Variants in USP24 observed in about 807,000 individuals in gnomAD.
USP24 encodes the protein ubiquitin specific peptidase 24, also known as ubiquitin carboxyl-terminal hydrolase 24.
In USP24, 97 loss-of-function variants were observed where a neutral mutation model predicts 361.6. That is an observed-to-expected ratio of 0.27 (90% CI 0.23 to 0.32). USP24 has a LOEUF of 0.32. Ranked by LOEUF, USP24 falls within the 10% of genes least tolerant of loss-of-function variation. USP24 has a pLI of 1.00. For synonymous variants in USP24, 1,098 were observed against 1,124.6 expected (o/e 0.98, Z 0.47); for missense variants, 2,353 against 3,165.6 (o/e 0.74, Z 6.16).
Position 55,165,557 on chromosome 1 carries a change from A to G in USP24, c.927+328T>C, listed in dbSNP as rs1648745788. Among the ~76,000 whole-genome samples the G allele has an allele frequency of 6.6e-5, 10 of 152,238 alleles. No individual in the cohort carries two copies. The South Asian group carries it at 2.1e-3, about 32-fold the overall frequency. On this transcript the variant is annotated intron_variant, in intron 7 of 67. Transcript: ENST00000294383. ...AATTCTGATTTTATATAATCGTTTA[A>G]CTGAGCCATAAAATTGTTATGCATA...
intron 1 of USP24, among the ~76,000 whole-genome samples, chr1:55,188,917 G>A (rs1394419455): frequency 2.2e-5 from 3 of 135,534 alleles, no homozygotes; most frequent in East Asian, 2.2e-4. Context: ...CAGAGATCGC[G>A]CCACCCATTG....
chr1:55,112,020 A>G (rs930188335), intron 38 of USP24, among the ~76,000 whole-genome samples: 7 of 152,262 alleles, frequency 4.6e-5, no homozygotes, highest in Admixed American at 3.9e-4. Flanking sequence ...TAGATTATAC[A>G]TATTATATCT....
At chr1:55,143,632 C>CT (rs200083233) in intron 21 of USP24, among the ~76,000 whole-genome samples, 6,246 of 145,432 alleles carry the variant, frequency 0.043, 271 homozygotes, top group African/African-American at 0.11. Context: ...GTTAATAAGC[C>CT]TTTTTTTTTT....
Position 55,071,798 on chromosome 1 carries a change from A to G in USP24, c.7800+16T>C, listed in dbSNP as rs1461589735. ...AAGGCTGCCCTTTGCACACAAGGACATGCTGACCGTTATACCTGCTGTAGA... is the reference window on the plus strand; with the variant it reads ...AAGGCTGCCCTTTGCACACAAGGACGTGCTGACCGTTATACCTGCTGTAGA... On this transcript the variant is annotated intron_variant, in intron 67 of 67. Coordinates refer to ENST00000294383, the MANE Select transcript of USP24 (RefSeq NM_015306.3). 1 of 1,605,138 alleles carries G rather than the reference A, an allele frequency of 6.2e-7. No homozygotes were observed. The highest frequency in any genetic ancestry group is 8.5e-7 in the Non-Finnish European group (1 of 1,174,920).
At chr1:55,168,829 C>T (rs1020731867) in intron 5 of USP24, among the ~76,000 whole-genome samples, 1 of 152,164 alleles carries the variant, frequency 6.6e-6, no homozygotes, top group African/African-American at 2.4e-5. Flanking sequence ...TGGTCACAAA[C>T]TGTAGTGCTT....
chr1:55,069,404 T>C lies in USP24; in HGVS notation c.7801-297A>G, dbSNP rs143614448. On this transcript the variant is annotated intron_variant, in intron 67 of 67. Transcript: ENST00000294383. ...AGCAGTGATAAAGCTGGGAGAGGCA[T>C]TGATGGCCATTGTGCCCGCTTCACG... Among the ~76,000 whole-genome samples the C allele has an allele frequency of 1.6e-3, 237 of 152,334 alleles. 2 individuals are homozygous for C. Among genetic ancestry groups the C allele is most frequent in the South Asian group, 5.0e-3 (24 of 4,830 alleles).
In USP24 at chr1:55,179,759, T is replaced by C. The variant is rs562402140; in HGVS notation, c.325-1627A>G. On this transcript the variant is annotated intron_variant, in intron 1 of 67. Transcript: ENST00000294383. ...TTCTCCCATCCCCATCCCCAGGACCTGGTGATTGGACCTCATACATTTCTC... is the reference window on the plus strand; with the variant it reads ...TTCTCCCATCCCCATCCCCAGGACCCGGTGATTGGACCTCATACATTTCTC... Among the ~76,000 whole-genome samples, 7 of 152,292 alleles carry C rather than the reference T, an allele frequency of 4.6e-5. No homozygotes were observed. In the South Asian group the frequency reaches 1.5e-3, roughly 32 times the overall value.
At chr1:55,193,769 C>G (rs1375320449) in intron 1 of USP24, among the ~76,000 whole-genome samples, 1 of 152,124 alleles carries the variant, frequency 6.6e-6, no homozygotes, top group Admixed American at 6.5e-5. Context: ...TATTCTCAAA[C>G]CTCAGGAGGT....
intron 36 of USP24, among the ~76,000 whole-genome samples, chr1:55,122,614 G>A (rs1379603344): frequency 1.3e-5 from 2 of 152,180 alleles, no homozygotes; most frequent in Non-Finnish European, 2.9e-5. Flanking sequence ...AGCAATGGCA[G>A]CTTGGAGGGA....
At chr1:55,188,515 C>T (rs1368376258) in intron 1 of USP24, among the ~76,000 whole-genome samples, 5 of 150,304 alleles carry the variant, frequency 3.3e-5, no homozygotes, top group Non-Finnish European at 3.0e-5. Flanking sequence ...AGACAAATAA[C>T]CTAATAAAAA....
At chr1:55,204,329 A>T (rs912099663) in intron 1 of USP24, among the ~76,000 whole-genome samples, 5 of 152,336 alleles carry the variant, frequency 3.3e-5, no homozygotes, top group East Asian at 3.8e-4. Flanking sequence ...CGCTTTTAGG[A>T]TAAAAAATAA....
At chr1:55,126,768 C>T (rs534522353) in intron 32 of USP24, among the ~76,000 whole-genome samples, 10 of 152,258 alleles carry the variant, frequency 6.6e-5, no homozygotes, top group South Asian at 2.1e-4. Context: ...CCCATCCCCT[C>T]GACCTCCTCA....
At chr1:55,166,477 A>T in intron 6 of USP24, 91 bp downstream of exon 6, 1 of 1,152,812 alleles carries the variant, frequency 8.7e-7, no homozygotes, top group Non-Finnish European at 1.2e-6. Context: ...TATTCTCTGC[A>T]GCTGCCATTT....
chr1:55,141,667 A>G lies in USP24; in HGVS notation c.2699T>C (p.Leu900Pro). Residue 900 changes from leucine to proline, a missense_variant, in exon 24 of 68, where the codon CTT becomes CCT. Leu to Pro is a moderately conservative substitution (Grantham distance 98). Transcript: ENST00000294383. Reference protein sequence around the residue: ...THAVTRATKMLTATAMPTVAT... With the variant: ...THAVTRATKMPTATAMPTVAT... ...TACAGTTGGCATGGCAGTTGCTGTA[A>G]GCATTTTTGTTGCTCTGGTCACAGC... The G allele has an allele frequency of 6.2e-7, 1 of 1,612,418 alleles. No individual in the cohort carries two copies. Among genetic ancestry groups the G allele is most frequent in the Non-Finnish European group, 8.5e-7 (1 of 1,179,224 alleles).
At chr1:55,160,125 G>A (rs1279357580) in intron 8 of USP24, among the ~76,000 whole-genome samples, 3 of 152,152 alleles carry the variant, frequency 2.0e-5, no homozygotes, top group African/African-American at 4.8e-5. Context: ...ACAATACACT[G>A]CTCCAGAATG....
Position 55,073,918 on chromosome 1 carries a change from G to C in USP24, c.7448-12C>G. 6.4e-7 allele frequency: 1 copy of C among 1,559,486 alleles called. No individual in the cohort carries two copies. Among genetic ancestry groups the C allele is most frequent in the Non-Finnish European group, 8.7e-7 (1 of 1,150,360 alleles). ...GTGGTGCATCAAAGCTGAGGGAAGA[G>C]AAAAGGACATTTTAACAATAAAAGA... On this transcript the variant is annotated splice_polypyrimidine_tract_variant and intron_variant, in intron 63 of 67. Coordinates refer to ENST00000294383, the MANE Select transcript of USP24 (RefSeq NM_015306.3).
chr1:55,071,539 C>G, intron 67 of USP24: 6 of 1,250,308 alleles, frequency 4.8e-6, no homozygotes, highest in Non-Finnish European at 6.1e-6. Flanking sequence ...CCCCCTGTGC[C>G]CTGGCTTCAT....
Position 55,097,088 on chromosome 1 carries a change from G to A in USP24, c.5800C>T (p.Arg1934Ter). The A allele has an allele frequency of 6.2e-7, 1 of 1,613,838 alleles. No homozygotes were observed. Among genetic ancestry groups the A allele is most frequent in the Non-Finnish European group, 8.5e-7 (1 of 1,179,852 alleles). The change falls in exon 49 of 68, where the codon CGA becomes TGA. Residue 1934 changes from arginine (R) to a stop codon, truncating the protein, a stop_gained. Coordinates refer to ENST00000294383, the MANE Select transcript of USP24 (RefSeq NM_015306.3). LOFTEE classifies it high-confidence loss of function. ...CCTCCACCGCCCTGATCCACACTTCGCCCATTTTCCCCAACTTCAGAAGAA... is the reference window on the plus strand; with the variant it reads ...CCTCCACCGCCCTGATCCACACTTCACCCATTTTCCCCAACTTCAGAAGAA... ...DSSSEVGENG[R>*]SVDQGGGGSP... is the part of the protein sequence containing the mutation.
Position 55,159,003 on chromosome 1 carries a change from C to A in USP24, c.1102G>T (p.Val368Phe). 1 of 1,576,834 alleles carries A rather than the reference C, an allele frequency of 6.3e-7. No individual in the cohort carries two copies. The highest frequency in any genetic ancestry group is 8.6e-7 in the Non-Finnish European group (1 of 1,158,924). The change falls in exon 10 of 68, where the codon GTT becomes TTT. Residue 368 changes from valine to phenylalanine, a missense_variant. Val to Phe is a conservative substitution (Grantham distance 50). Around this residue, in one of 8 missense-constraint regions of USP24, gnomAD observed 386 missense variants for 560.5 expected, o/e 0.69. Transcript: ENST00000294383. ...LVSIPELLSA[V>F]KLLCMRFQPD... is the part of the protein sequence containing the mutation. Reference sequence around the variant, plus strand: ...TGGAAGCGCATGCAAAGTAACTTAACGGCAGACAAGAGCTCAGGGATGCTA... The same window carrying A: ...TGGAAGCGCATGCAAAGTAACTTAAAGGCAGACAAGAGCTCAGGGATGCTA...
Sources: gnomAD v4.1 joint callset for allele counts (sites outside exome capture counted in the v4.1 genomes callset) on GRCh38, gnomAD v4.1.1 for gene constraint, gnomAD v4.1.1 regional missense constraint, MANE v1.5 for transcripts, NCBI Gene and HGNC (gene_info 2026-07-23, HGNC 2026-07-21) for gene names.